Variants in KCNJ11 observed in about 807,000 individuals in gnomAD.
The protein encoded by KCNJ11 is potassium inwardly rectifying channel subfamily J member 11, also known as ATP-sensitive inward rectifier potassium channel 11.
A neutral mutation model predicts 17.3 loss-of-function variants in KCNJ11; 12 were observed. The observed-to-expected ratio is 0.69, with a 90% CI of 0.44 to 1.12. The LOEUF is 1.12. Among genes scored for constraint, KCNJ11 ranks in the 50% most tolerant of loss-of-function variants. KCNJ11 has a pLI of 0.00. For synonymous variants in KCNJ11, 211 were observed against 223.4 expected (o/e 0.94, Z 0.50); for missense variants, 386 against 554.1 (o/e 0.70, Z 3.05).
chr11:17,386,567 G>A lies in KCNJ11; in HGVS notation c.*352C>T. ...CGCAAAGCAGCAGCCCTCGGGGATT[G>A]TTCTTCCCCAGCCACCGGCCCAGAG... is the stretch of plus-strand genomic sequence containing the variant. On this transcript the variant is annotated 3_prime_UTR_variant, in exon 1 of 1. Coordinates refer to ENST00000339994, the MANE Select transcript of KCNJ11 (RefSeq NM_000525.4). 3.9e-6 allele frequency: 1 copy of A among 257,582 alleles called. No individual in the cohort carries two copies. The highest frequency in any genetic ancestry group is 7.5e-6 in the Non-Finnish European group (1 of 133,396). 16.0% of individuals were successfully genotyped at this position (257,582 alleles called of 1,614,324 possible).
In KCNJ11 at chr11:17,388,161, C is replaced by G; in HGVS notation, c.-70G>C. 2 of 1,404,100 alleles carry G rather than the reference C, an allele frequency of 1.4e-6. No individual in the cohort carries two copies. Among genetic ancestry groups the G allele is most frequent in the South Asian group, 1.2e-5 (1 of 84,214 alleles). The allele number at this position is 1,404,100 out of a possible 1,614,324, so 87.0% of individuals were successfully genotyped here. On this transcript the variant is annotated 5_prime_UTR_variant, in exon 1 of 1. Transcript: ENST00000339994. ...CCCTCGGACGTGGCCTAGGGCCTCA[C>G]TGCAGAGTCCTCTCGGTGGGCACCT...
chr11:17,387,420 G>A lies in KCNJ11; in HGVS notation c.672C>T (p.Thr224=). ...GGGGCACCACCTCGCCCTCGGGGCT[G>A]GTGGTCTTGCGTACCACCTGCATGT... ...TIHMQVVRKT[T]SPEGEVVPLH... is the part of the protein sequence containing the mutation. Residue 224 remains threonine (T), a synonymous_variant, in exon 1 of 1, where the codon ACC becomes ACT. Coordinates refer to ENST00000339994, the MANE Select transcript of KCNJ11 (RefSeq NM_000525.4). The A allele has an allele frequency of 6.2e-7, 1 of 1,613,804 alleles. No individual in the cohort carries two copies. Among genetic ancestry groups the A allele is most frequent in the Non-Finnish European group, 8.5e-7 (1 of 1,180,010 alleles).
At position 17,386,687 on chromosome 11, in the gene KCNJ11, A is replaced by C; in HGVS notation, c.*232T>G. On this transcript the variant is annotated 3_prime_UTR_variant, in exon 1 of 1. Transcript: ENST00000339994. ...GCCTCTGCAGCCTTGGGCGGGGGAG[A>C]GGGGTGAGCCAGTCCTGAATTGGGT... 1.8e-6 allele frequency: 1 copy of C among 540,818 alleles called. No homozygotes were observed. Among genetic ancestry groups the C allele is most frequent in the Non-Finnish European group, 3.3e-6 (1 of 302,904 alleles). 33.5% of individuals were successfully genotyped at this position (540,818 alleles called of 1,614,324 possible). A position where few individuals can be genotyped will look rare whatever the true frequency, so the allele number is the denominator to read the frequency against.
rs781637981 is a variant in KCNJ11, at chr11:17,385,281, A to C, written c.*1638T>G. On this transcript the variant is annotated 3_prime_UTR_variant, in exon 1 of 1. Transcript: ENST00000339994. ...TTGTTTGGCCGTTTCCTCAGCATGTAGCTGATTCAGCAGCAATCACAATAG... is the reference window on the plus strand; with the variant it reads ...TTGTTTGGCCGTTTCCTCAGCATGTCGCTGATTCAGCAGCAATCACAATAG... Among the ~76,000 whole-genome samples, 4 of 152,250 alleles carry C rather than the reference A, an allele frequency of 2.6e-5. No homozygotes were observed. Among genetic ancestry groups the C allele is most frequent in the Admixed American group, 6.5e-5 (1 of 15,292 alleles).
At position 17,387,424 on chromosome 11, in the gene KCNJ11, G is replaced by C. The variant is rs561086953; in HGVS notation, c.668C>G (p.Thr223Ser). 1.9e-5 allele frequency: 31 copies of C among 1,613,646 alleles called. No individual in the cohort carries two copies. The highest frequency in any genetic ancestry group is 3.3e-5 in the Admixed American group (2 of 60,014). The change falls in exon 1 of 1, where the codon ACC (threonine) becomes AGC (serine). Residue 223 changes from threonine (T) to serine (S), a missense_variant. Physicochemically the swap from Thr to Ser is moderately conservative, Grantham distance 58. Transcript: ENST00000339994. ...CACCACCTCGCCCTCGGGGCTGGTG[G>C]TCTTGCGTACCACCTGCATGTGGAT... ...ATIHMQVVRK[T>S]TSPEGEVVPL...
chr11:17,388,693 T>G, upstream of KCNJ11: 1 of 269,252 alleles, frequency 3.7e-6, no homozygotes, highest in Non-Finnish European at 8.4e-6. Flanking sequence ...CTCCCCCAGC[T>G]TCCCCCACCA....
Position 17,387,450 on chromosome 11 carries a change from G to A in KCNJ11, c.642C>T (p.Thr214=). ...TCTTGCGTACCACCTGCATGTGGAT[G>A]GTGGCGCTGATGATCATGCTCTTGC... ...DLRKSMIISA[T]IHMQVVRKTT... is the part of the protein sequence containing the mutation. The change falls in exon 1 of 1, where the codon ACC becomes ACT. Residue 214 remains threonine (T), a synonymous_variant. Coordinates refer to ENST00000339994, the MANE Select transcript of KCNJ11 (RefSeq NM_000525.4). The A allele has an allele frequency of 1.2e-6, 2 of 1,613,346 alleles. No homozygotes were observed. Among genetic ancestry groups the A allele is most frequent in the Non-Finnish European group, 1.7e-6 (2 of 1,180,010 alleles).
In KCNJ11 at chr11:17,385,498, T is replaced by C. The variant is rs1029393292; in HGVS notation, c.*1421A>G. On this transcript the variant is annotated 3_prime_UTR_variant, in exon 1 of 1. Coordinates refer to ENST00000339994, the MANE Select transcript of KCNJ11 (RefSeq NM_000525.4). Reference sequence around the variant, plus strand: ...AGAGCCAGGATTCGAACCCAGGCAGTTGGCTCGAGAGTTAGTGCTCCAATT... The same window carrying C: ...AGAGCCAGGATTCGAACCCAGGCAGCTGGCTCGAGAGTTAGTGCTCCAATT... Among the ~76,000 whole-genome samples the C allele has an allele frequency of 6.6e-6, 1 of 152,240 alleles. No homozygotes were observed. Among genetic ancestry groups the C allele is most frequent in the Non-Finnish European group, 1.5e-5 (1 of 68,038 alleles).
In KCNJ11 at chr11:17,387,633, G is replaced by A. The variant is rs1249142709; in HGVS notation, c.459C>T (p.Asn153=). ...TGGCGTTGATCATGAGCCCCACGATGTTCTGCACGATGAGGATCAGGATGG... is the reference window on the plus strand; with the variant it reads ...TGGCGTTGATCATGAGCCCCACGATATTCTGCACGATGAGGATCAGGATGG... ...PLAILILIVQ[N]IVGLMINAIM... is the part of the protein sequence containing the mutation. Residue 153 remains asparagine, a synonymous_variant, in exon 1 of 1, where the codon AAC becomes AAT. Coordinates refer to ENST00000339994, the MANE Select transcript of KCNJ11 (RefSeq NM_000525.4). The A allele has an allele frequency of 3.1e-6, 5 of 1,613,914 alleles. No homozygotes were observed. The highest frequency in any genetic ancestry group is 2.5e-6 in the Non-Finnish European group (3 of 1,180,020).
upstream of KCNJ11, chr11:17,389,192 C>T (rs1403827220): frequency 1.3e-5 from 2 of 151,782 alleles, no homozygotes; most frequent in Non-Finnish European, 2.9e-5. Flanking sequence ...GCTCCTCACG[C>T]CACGGCCGTC....
chr11:17,386,893 G>T lies in KCNJ11; in HGVS notation c.*26C>A, dbSNP rs773965960. ...CCACATGGTCCGTGTGTACACACGC[G>T]TGTGGGGGGCCCGAGAGACCATGGC... On this transcript the variant is annotated 3_prime_UTR_variant, in exon 1 of 1. Coordinates refer to ENST00000339994, the MANE Select transcript of KCNJ11 (RefSeq NM_000525.4). 1 of 1,597,194 alleles carries T rather than the reference G, an allele frequency of 6.3e-7. No individual in the cohort carries two copies. The highest frequency in any genetic ancestry group is 1.1e-5 in the South Asian group (1 of 88,622).
Position 17,387,793 on chromosome 11 carries a change from AG to A in KCNJ11, c.298del (p.Leu100TrpfsTer30), listed in dbSNP as rs767164487. Reference protein sequence around the residue: ...WWLIAFAHGDLAPSEGTAEPC... With the variant: ...WWLIAFAHGDXAPSEGTAEPC... ...CTCAGCAGTGCCCTCGCTGGGGGCC[AG>A]GTCACCGTGGGCGAAGGCGATGAGC... On this transcript the variant is annotated frameshift_variant, in exon 1 of 1. Coordinates refer to ENST00000339994, the MANE Select transcript of KCNJ11 (RefSeq NM_000525.4). LOFTEE classifies it high-confidence loss of function. 6.2e-7 allele frequency: 1 copy of A among 1,614,034 alleles called. No homozygotes were observed. The highest frequency in any genetic ancestry group is 1.3e-5 in the African/African-American group (1 of 74,940).
chr11:17,387,004 G>T lies in KCNJ11; in HGVS notation c.1088C>A (p.Ser363Ter). 1 of 1,614,022 alleles carries T rather than the reference G, an allele frequency of 6.2e-7. No homozygotes were observed. Among genetic ancestry groups the T allele is most frequent in the Non-Finnish European group, 8.5e-7 (1 of 1,179,886 alleles). ...GCGCTTGCGCAGGGGCCCGCGGGCT[G>T]AGGCGAGGGTCAGAGCTTCCAGTAG... ...HSLLEALTLA[S>*]ARGPLRKRSV... Residue 363 changes from serine (S) to a stop codon, truncating the protein, a stop_gained, in exon 1 of 1, where the codon TCA becomes TAA. Coordinates refer to ENST00000339994, the MANE Select transcript of KCNJ11 (RefSeq NM_000525.4). LOFTEE classifies it high-confidence loss of function.
Position 17,387,272 on chromosome 11 carries a change from C to T in KCNJ11, c.820G>A (p.Asp274Asn), listed in dbSNP as rs773218695. The change falls in exon 1 of 1, where the codon GAC becomes AAC. Residue 274 changes from aspartate (D) to asparagine (N), a missense_variant. By Grantham distance (23) the Asp-to-Asn change is conservative. Coordinates refer to ENST00000339994, the MANE Select transcript of KCNJ11 (RefSeq NM_000525.4). ...TCGAGGTCCTGGTGGTGGTGCAGGT[C>T]GCTGGGTGCCAGGTCGTAGAGTGGG... is the stretch of plus-strand genomic sequence containing the variant. ...NSPLYDLAPSDLHHHQDLEII... is the reference protein window; with the variant it reads ...NSPLYDLAPSNLHHHQDLEII... 14 of 1,614,102 alleles carry T rather than the reference C, an allele frequency of 8.7e-6. No individual in the cohort carries two copies. The highest frequency in any genetic ancestry group is 1.6e-4 in the Middle Eastern group (1 of 6,062).
In KCNJ11 at chr11:17,387,666, G is replaced by A. The variant is rs1221700989; in HGVS notation, c.426C>T (p.Cys142=). 6.2e-7 allele frequency: 1 copy of A among 1,614,022 alleles called. No homozygotes were observed. The highest frequency in any genetic ancestry group is 8.5e-7 in the Non-Finnish European group (1 of 1,180,014). The change falls in exon 1 of 1, where the codon TGC becomes TGT. Residue 142 remains cysteine (C), a synonymous_variant. Transcript: ENST00000339994. ...GFGGRMVTEE[C]PLAILILIVQ... Reference sequence around the variant, plus strand: ...CGATGAGGATCAGGATGGCCAGTGGGCACTCCTCAGTCACCATGCGCCCCC... The same window carrying A: ...CGATGAGGATCAGGATGGCCAGTGGACACTCCTCAGTCACCATGCGCCCCC...
At position 17,386,632 on chromosome 11, in the gene KCNJ11, G is replaced by A. The variant is rs113019623; in HGVS notation, c.*287C>T. 86 of 385,568 alleles carry A rather than the reference G, an allele frequency of 2.2e-4. 1 individual carries two copies. Among genetic ancestry groups the A allele is most frequent in the African/African-American group, 1.6e-3 (79 of 50,114 alleles). The allele number at this position is 385,568 out of a possible 1,614,324, so 23.9% of individuals were successfully genotyped here. A position where few individuals can be genotyped will look rare whatever the true frequency, so the allele number is the denominator to read the frequency against. ...CGTGGGGACCCAGGACTGGCTGGAC[G>A]CACAGCTCTAGGGCCCAGTACCTCC... On this transcript the variant is annotated 3_prime_UTR_variant, in exon 1 of 1. Transcript: ENST00000339994.
In KCNJ11 at chr11:17,386,504, G is replaced by T; in HGVS notation, c.*415C>A. On this transcript the variant is annotated 3_prime_UTR_variant, in exon 1 of 1. Coordinates refer to ENST00000339994, the MANE Select transcript of KCNJ11 (RefSeq NM_000525.4). Reference sequence around the variant, plus strand: ...GGTGCTTTTTCAGGGACCAAGTAGAGCTGGGGCCTGACCACAGGCACTTCT... The same window carrying T: ...GGTGCTTTTTCAGGGACCAAGTAGATCTGGGGCCTGACCACAGGCACTTCT... The T allele has an allele frequency of 2.6e-5, 5 of 192,232 alleles. No individual in the cohort carries two copies. Among genetic ancestry groups the T allele is most frequent in the South Asian group, 1.2e-4 (1 of 8,080 alleles). The allele number at this position is 192,232 out of a possible 1,614,324, so 11.9% of individuals were successfully genotyped here. A position where few individuals can be genotyped will look rare whatever the true frequency, so the allele number is the denominator to read the frequency against.
In KCNJ11 at chr11:17,387,038, C is replaced by T. The variant is rs1242156391; in HGVS notation, c.1054G>A (p.Asp352Asn). 1.2e-6 allele frequency: 2 copies of T among 1,614,224 alleles called. No homozygotes were observed. Among genetic ancestry groups the T allele is most frequent in the South Asian group, 2.2e-5 (2 of 91,080 alleles). ...GTCAGAGCTTCCAGTAGGCTGTGGT[C>T]CTCATCAAGCTGGCGGGCCGTGCAG... ...PLCTARQLDE[D>N]HSLLEALTLA... is the part of the protein sequence containing the mutation. Residue 352 changes from aspartate (D) to asparagine (N), a missense_variant, in exon 1 of 1, where the codon GAC (aspartate) becomes AAC (asparagine). Transcript: ENST00000339994.
At position 17,386,986 on chromosome 11, in the gene KCNJ11, C is replaced by T. The variant is rs114613745; in HGVS notation, c.1106G>A (p.Arg369His). The change falls in exon 1 of 1, where the codon CGC becomes CAC. Residue 369 changes from arginine to histidine, a missense_variant. Transcript: ENST00000339994. Reference protein sequence around the residue: ...LTLASARGPLRKRSVPMAKAK... With the variant: ...LTLASARGPLHKRSVPMAKAK... ...CTTGGCCATGGGCACGCTGCGCTTG[C>T]GCAGGGGCCCGCGGGCTGAGGCGAG... The T allele has an allele frequency of 1.9e-6, 3 of 1,613,638 alleles. No individual in the cohort carries two copies. The highest frequency in any genetic ancestry group is 1.1e-5 in the South Asian group (1 of 91,040).
Sources: gnomAD v4.1 joint callset for allele counts (sites outside exome capture counted in the v4.1 genomes callset) on GRCh38, gnomAD v4.1.1 for gene constraint, MANE v1.5 for transcripts, NCBI Gene and HGNC (gene_info 2026-07-23, HGNC 2026-07-21) for gene names.